DMD: variants seen among roughly 807,000 people sequenced by gnomAD.
DMD encodes the protein mutant dystrophin.
Under a neutral mutation model 330.1 loss-of-function variants are expected in DMD, and 63 were observed. The observed-to-expected ratio is 0.19, with a 90% CI of 0.16 to 0.24. The LOEUF is 0.24. Ranked by LOEUF, DMD falls within the 10% of genes least tolerant of loss-of-function variation. The pLI is 1.00. For synonymous variants in DMD, 1,223 were observed against 959.8 expected (o/e 1.27, Z -5.07); for missense variants, 3,344 against 2,684.1 (o/e 1.25, Z -5.43).
chrX:33,263,285 T>G (rs1395101178), intron 1 of DMD, among the ~76,000 whole-genome samples: 1 of 110,499 alleles, frequency 9.0e-6, no homozygotes, highest in Non-Finnish European at 1.9e-5. Context: ...ACATTTTTTA[T>G]TCATTTCTCT....
chrX:32,163,090 C>T (rs1254349704), intron 44 of DMD, among the ~76,000 whole-genome samples: 1 of 111,351 alleles, frequency 9.0e-6, no homozygotes, highest in Non-Finnish European at 1.9e-5. Flanking sequence ...TCCACCTTTA[C>T]CCCTCTACCA....
intron 18 of DMD, among the ~76,000 whole-genome samples, chrX:32,506,702 G>A (rs2044663241): frequency 9.0e-6 from 1 of 111,511 alleles, no homozygotes. Flanking sequence ...CATTCCACTT[G>A]AAAATTTCAA....
rs184797565 is a variant in DMD at position 31,186,728 on chromosome X, A to C, written c.9808-3824T>G. ...CACAGAGGTACTTTGTGGAAAAAAA[A>C]GTTTATAAAGAATTATGCAATCTAA... On this transcript the variant is annotated intron_variant, in intron 67 of 78. Coordinates refer to ENST00000357033, the MANE Select transcript of DMD (RefSeq NM_004006.3). Among the ~76,000 whole-genome samples the C allele has an allele frequency of 1.7e-4, 19 of 112,463 alleles. No individual in the cohort carries two copies. The East Asian group carries it at 5.0e-3, about 30-fold the overall frequency.
Position 33,004,336 on chromosome X carries a change from G to C in DMD, c.93+15803C>G, listed in dbSNP as rs140862673. 8.9e-3 allele frequency among the ~76,000 whole-genome samples: 992 copies of C among 111,143 alleles called. 12 individuals carry two copies. The highest frequency in any genetic ancestry group is 0.029 in the African/African-American group (900 of 30,696). On this transcript the variant is annotated intron_variant, in intron 2 of 78. Coordinates refer to ENST00000357033, the MANE Select transcript of DMD (RefSeq NM_004006.3). Reference sequence around the variant, plus strand: ...TGCAGGCTCACCCACTATGTTCCTTGGCCAGGATGAAGTATCATATATTCT... The same window carrying C: ...TGCAGGCTCACCCACTATGTTCCTTCGCCAGGATGAAGTATCATATATTCT...
chrX:33,039,945 CTCCA>C (rs984700476), intron 1 of DMD, among the ~76,000 whole-genome samples: 9 of 110,882 alleles, frequency 8.1e-5, no homozygotes, highest in African/African-American at 2.6e-4. Context: ...CTTCAATCTC[CTCCA>C]AGGAGAGACT....
At chrX:32,184,711 A>T (rs1448855377) in intron 44 of DMD, among the ~76,000 whole-genome samples, 1 of 110,813 alleles carries the variant, frequency 9.0e-6, no homozygotes, top group Non-Finnish European at 1.9e-5. Context: ...CTTTTGTTTG[A>T]AGCCTTAGTA....
chrX:31,490,842 T>C (rs1031295421), intron 57 of DMD, among the ~76,000 whole-genome samples: 12 of 112,540 alleles, frequency 1.1e-4, no homozygotes, highest in Non-Finnish European at 2.1e-4. Context: ...ATCTACAACA[T>C]GATTTCAGGA....
intron 44 of DMD, among the ~76,000 whole-genome samples, chrX:32,117,015 TAA>T (rs965574759): frequency 4.5e-5 from 5 of 111,718 alleles, no homozygotes; most frequent in Non-Finnish European, 9.4e-5. Context: ...GTAATGAACC[TAA>T]GAGGGGAGTG....
At chrX:32,641,408 GTATATATATATA>G (rs72324944) in intron 11 of DMD, 22 of 94,887 alleles carry the variant, frequency 2.3e-4, no homozygotes, top group African/African-American at 8.9e-4. Flanking sequence ...TATTTTATAC[GTATATATATATA>G]TATATATATA....
At chrX:32,853,776 A>T (rs1215885782) in intron 2 of DMD, among the ~76,000 whole-genome samples, 2 of 107,305 alleles carry the variant, frequency 1.9e-5, no homozygotes, top group African/African-American at 6.8e-5. Flanking sequence ...ACAGAAAAAA[A>T]AAAAAAAAAA....
intron 44 of DMD, among the ~76,000 whole-genome samples, chrX:32,036,855 A>G (rs2095951805): frequency 9.0e-6 from 1 of 111,552 alleles, no homozygotes; most frequent in Admixed American, 9.6e-5. Flanking sequence ...GAGTCATATA[A>G]GCAAGGAACA....
chrX:32,549,494 C>A (rs2049309904), intron 16 of DMD, among the ~76,000 whole-genome samples: 2 of 111,198 alleles, frequency 1.8e-5, no homozygotes, highest in African/African-American at 3.3e-5. Context: ...GTAGCCAGTC[C>A]TGGTTTTGAG....
At chrX:32,328,188 G>A (rs1025572451) in intron 41 of DMD, among the ~76,000 whole-genome samples, 3 of 111,270 alleles carry the variant, frequency 2.7e-5, no homozygotes, top group Admixed American at 9.6e-5. Flanking sequence ...TTATGAAAAG[G>A]ACAGAAAATG....
chrX:32,694,425 C>A (rs1413709204), intron 9 of DMD, among the ~76,000 whole-genome samples: 3 of 111,643 alleles, frequency 2.7e-5, no homozygotes, highest in Non-Finnish European at 5.6e-5. Context: ...TACAGTCTCA[C>A]CCATCTTGGT....
intron 13 of DMD, among the ~76,000 whole-genome samples, chrX:32,590,518 G>A (rs1460462179): frequency 1.8e-5 from 2 of 109,386 alleles, no homozygotes; most frequent in African/African-American, 7.0e-5. Flanking sequence ...AATGTGGGTG[G>A]GCACCACCCA....
chrX:33,334,451 C>T (rs992278664), intron 1 of DMD, among the ~76,000 whole-genome samples: 2 of 110,932 alleles, frequency 1.8e-5, no homozygotes, highest in East Asian at 5.7e-4. Context: ...CTATCGAGGG[C>T]CAGATAGTAA....
intron 72 of DMD, 120 bp from the exon 73 acceptor site, chrX:31,172,533 T>C (rs913215560): frequency 1.3e-5 from 8 of 598,767 alleles, no homozygotes; most frequent in Middle Eastern, 4.4e-4. Flanking sequence ...AAGGAATCCT[T>C]CAAATTAAAG....
intron 41 of DMD, among the ~76,000 whole-genome samples, chrX:32,324,677 T>C (rs965044616): frequency 1.8e-5 from 2 of 111,600 alleles, no homozygotes; most frequent in Non-Finnish European, 3.8e-5. Flanking sequence ...AAGGAGAACA[T>C]GATAAAATCA....
intron 44 of DMD, among the ~76,000 whole-genome samples, chrX:32,059,160 A>G (rs2096204296): frequency 9.0e-6 from 1 of 111,390 alleles, no homozygotes; most frequent in Admixed American, 9.6e-5. Context: ...AAAATTATAA[A>G]GATCTGCTAT....
Sources: allele counts gnomAD v4.1 joint callset (sites outside exome capture counted in the v4.1 genomes callset), GRCh38; gene constraint gnomAD v4.1.1; transcripts MANE v1.5; gene names NCBI Gene and HGNC (gene_info 2026-07-23, HGNC 2026-07-21).